LONRF1: variants seen among roughly 807,000 people sequenced by gnomAD.
The protein encoded by LONRF1 is LON peptidase N-terminal domain and ring finger 1.
In LONRF1, 37 loss-of-function variants were observed where a neutral mutation model predicts 85.8. The ratio of observed to expected loss-of-function variants is 0.43; its 90% CI spans 0.33 to 0.57. The LOEUF is 0.57. Ranked by LOEUF, LONRF1 falls within the 20% of genes least tolerant of loss-of-function variation. The pLI, the probability that LONRF1 is intolerant of heterozygous loss-of-function variation, is 0.04. For missense variants in LONRF1, 1,036 were observed against 978.0 expected (o/e 1.06, Z -0.79); for synonymous variants, 517 against 390.1 (o/e 1.33, Z -3.83).
chr8:12,734,693 T>C (rs777441568), intron 7 of LONRF1, among the ~76,000 whole-genome samples: 6 of 152,180 alleles, frequency 3.9e-5, no homozygotes, highest in Non-Finnish European at 8.8e-5. Flanking sequence ...AATCTACCAC[T>C]TTTCTAGAGC....
Position 12,754,916 on chromosome 8 carries a change from C to A in LONRF1, c.505G>T (p.Ala169Ser). 1.3e-6 allele frequency: 2 copies of A among 1,492,450 alleles called. No individual in the cohort carries two copies. The highest frequency in any genetic ancestry group is 1.3e-5 in the South Asian group (1 of 79,408). 92.5% of individuals were successfully genotyped at this position (1,492,450 alleles called of 1,614,324 possible). ...GGGGCGGTCCCTTCAGCATCAGTGG[C>A]ACTGGCGGTGGCGGGCGGCAGCCGG... ...RDRLPPATAS[A>S]TDAEGTAPRP... is the part of the protein sequence containing the mutation. Residue 169 changes from alanine to serine, a missense_variant, in exon 1 of 12, where the codon GCC becomes TCC. Ala to Ser is a moderately conservative substitution (Grantham distance 99). Coordinates refer to ENST00000398246, the MANE Select transcript of LONRF1 (RefSeq NM_152271.5).
At chr8:12,748,151 T>G (rs1799238283) in intron 1 of LONRF1, among the ~76,000 whole-genome samples, 1 of 152,214 alleles carries the variant, frequency 6.6e-6, no homozygotes, top group Non-Finnish European at 1.5e-5. Context: ...TGTACCTGCT[T>G]GCCTTTTTAG....
At chr8:12,748,034 G>T (rs551512382) in intron 1 of LONRF1, among the ~76,000 whole-genome samples, 10 of 152,020 alleles carry the variant, frequency 6.6e-5, no homozygotes, top group Admixed American at 5.9e-4. Context: ...TTTAATAGTT[G>T]CAAAATATCC....
rs747313240 is a variant in LONRF1 at position 12,729,191 on chromosome 8, GAC to G, written c.1828_1829del (p.Val610GlnfsTer2). On this transcript the variant is annotated frameshift_variant, in exon 9 of 12. Coordinates refer to ENST00000398246, the MANE Select transcript of LONRF1 (RefSeq NM_152271.5). LOFTEE classifies it high-confidence loss of function. The part of the protein sequence containing the change: ...QTGTKQFGMC[V>X]SDTQNSFADY... ...AAGCATACCTATTTTGTGTATCACT[GAC>G]ACACATGCCAAACTGTTTGGTTCCA... The G allele has an allele frequency of 6.2e-7, 1 of 1,613,866 alleles. No homozygotes were observed. The highest frequency in any genetic ancestry group is 8.5e-7 in the Non-Finnish European group (1 of 1,179,854).
intron 8 of LONRF1, among the ~76,000 whole-genome samples, chr8:12,729,721 ACT>A (rs1282927748): frequency 6.6e-6 from 1 of 152,174 alleles, no homozygotes; most frequent in Non-Finnish European, 1.5e-5. Flanking sequence ...ACTCATAGTT[ACT>A]CTTAGATAAC....
Position 12,755,317 on chromosome 8 carries a change from C to T in LONRF1, c.104G>A (p.Gly35Asp), listed in dbSNP as rs1254351327. 3 of 1,250,016 alleles carry T rather than the reference C, an allele frequency of 2.4e-6. No individual in the cohort carries two copies. The allele number at this position is 1,250,016 out of a possible 1,614,324, so 77.4% of individuals were successfully genotyped here. A position where few individuals can be genotyped will look rare whatever the true frequency, so the allele number is the denominator to read the frequency against. Residue 35 changes from glycine (G) to aspartate (D), a missense_variant, in exon 1 of 12, where the codon GGC becomes GAC. By Grantham distance (94) the Gly-to-Asp change is moderately conservative. Transcript: ENST00000398246. ...CGCGGCCGCGCGCTCCAGCCGATGG[C>T]CGCTGCCGCCGCCCACTTCCCAGAA... Reference protein sequence around the residue: ...GRFWEVGGGSGHRLERAAAES... With the variant: ...GRFWEVGGGSDHRLERAAAES...
At chr8:12,745,197 G>A (rs986673162) in intron 1 of LONRF1, among the ~76,000 whole-genome samples, 2 of 151,956 alleles carry the variant, frequency 1.3e-5, no homozygotes, top group African/African-American at 4.8e-5. Context: ...GGTAAGAAGA[G>A]AAGATGCACG....
intron 2 of LONRF1, 108 bp from the exon 3 acceptor site, chr8:12,741,104 C>A: frequency 1.6e-6 from 2 of 1,224,778 alleles, no homozygotes; most frequent in Non-Finnish European, 2.3e-6. Context: ...CGATTCTGGG[C>A]CGGGTGCAGT....
chr8:12,745,465 C>G (rs890747293), intron 1 of LONRF1, among the ~76,000 whole-genome samples: 8 of 152,114 alleles, frequency 5.3e-5, no homozygotes, highest in African/African-American at 1.9e-4. Context: ...AAAGCATACA[C>G]AAGGTCTGCC....
At chr8:12,753,990 CCAG>C (rs1799519776) in intron 1 of LONRF1, 1 of 152,488 alleles carries the variant, frequency 6.6e-6, no homozygotes, top group Non-Finnish European at 1.5e-5. Flanking sequence ...TCAAGAGGAA[CCAG>C]TTCAGGCATT....
rs779781330 is a variant in LONRF1 at position 12,737,981 on chromosome 8, G to A, written c.1113+14C>T. 6.3e-7 allele frequency: 1 copy of A among 1,593,980 alleles called. No homozygotes were observed. The highest frequency in any genetic ancestry group is 1.2e-5 in the South Asian group (1 of 84,886). Reference sequence around the variant, plus strand: ...GATACGCTAAACTCATGATAACCTTGTCTCACCCCGTACCTGCTTTGGGCT... The same window carrying A: ...GATACGCTAAACTCATGATAACCTTATCTCACCCCGTACCTGCTTTGGGCT... On this transcript the variant is annotated intron_variant, in intron 4 of 11. Transcript: ENST00000398246.
chr8:12,738,661 A>G (rs1346560515), intron 3 of LONRF1: 3 of 152,188 alleles, frequency 2.0e-5, no homozygotes, highest in Non-Finnish European at 4.4e-5. Context: ...GCTGCCCAAT[A>G]CTTGGTTAGA....
intron 1 of LONRF1, among the ~76,000 whole-genome samples, chr8:12,748,867 G>C (rs1332081547): frequency 4.0e-5 from 6 of 150,180 alleles, no homozygotes; most frequent in Non-Finnish European, 8.8e-5. Context: ...TGGTTACCAG[G>C]GTTGAGCTCA....
intron 2 of LONRF1, among the ~76,000 whole-genome samples, chr8:12,741,357 C>A (rs1798928209): frequency 6.6e-6 from 1 of 152,118 alleles, no homozygotes; most frequent in African/African-American, 2.4e-5. Flanking sequence ...GCACTCCAGC[C>A]TGGGTGACGG....
At chr8:12,751,515 G>A (rs1251062720) in intron 1 of LONRF1, among the ~76,000 whole-genome samples, 4 of 151,428 alleles carry the variant, frequency 2.6e-5, no homozygotes, top group African/African-American at 9.7e-5. Context: ...ATGTTGGCCA[G>A]GCTGGTCTCG....
chr8:12,753,815 A>G (rs1799510008), intron 1 of LONRF1: 1 of 151,064 alleles, frequency 6.6e-6, no homozygotes, highest in Non-Finnish European at 1.5e-5. Flanking sequence ...AATGCACTCA[A>G]GACCTATAAG....
In LONRF1 at chr8:12,755,268, C is replaced by T. The variant is rs1244387483; in HGVS notation, c.153G>A (p.Leu51=). 2.4e-6 allele frequency: 3 copies of T among 1,236,816 alleles called. No homozygotes were observed. Among genetic ancestry groups the T allele is most frequent in the African/African-American group, 1.6e-5 (1 of 63,328 alleles). The allele number at this position is 1,236,816 out of a possible 1,614,324, so 76.6% of individuals were successfully genotyped here. The change falls in exon 1 of 12, where the codon CTG becomes CTA. Residue 51 remains leucine, a synonymous_variant. Transcript: ENST00000398246. ...AAAESERWEL[L]LRRGELLALG... ...GCGCCAGCAGCTCCCCGCGGCGGAG[C>T]AGCAGCTCCCAGCGCTCCGACTCCG...
chr8:12,751,313 T>TTG (rs1225154647), intron 1 of LONRF1, among the ~76,000 whole-genome samples: 11 of 139,514 alleles, frequency 7.9e-5, no homozygotes, highest in Non-Finnish European at 1.7e-4. Context: ...TTTTTTTTTT[T>TTG]TTTTTTTGAG....
chr8:12,733,861 G>T (rs891652654), intron 7 of LONRF1, among the ~76,000 whole-genome samples: 1 of 152,018 alleles, frequency 6.6e-6, no homozygotes, highest in Admixed American at 6.6e-5. Context: ...TATGTATTTT[G>T]AATTTACAAA....
Sources: gnomAD v4.1 joint callset for allele counts (sites outside exome capture counted in the v4.1 genomes callset) on GRCh38, gnomAD v4.1.1 for gene constraint, MANE v1.5 for transcripts, NCBI Gene and HGNC (gene_info 2026-07-23, HGNC 2026-07-21) for gene names.